The following ATPAF2 variants were observed in gnomAD, a reference collection of about 807,000 sequenced individuals.
ATPAF2 encodes the protein ATP12 homolog.
A neutral mutation model predicts 36.6 loss-of-function variants in ATPAF2; 30 were observed. The ratio of observed to expected loss-of-function variants is 0.82; its 90% CI spans 0.61 to 1.11. The LOEUF is 1.11. Ranked by LOEUF, ATPAF2 falls within the 50% of genes most tolerant of loss-of-function variation. ATPAF2 has a pLI of 0.00. For synonymous variants in ATPAF2, 140 were observed against 152.6 expected, an observed-to-expected ratio of 0.92 and a Z score of 0.61; for missense variants, 321 against 372.3, an observed-to-expected ratio of 0.86 and a Z score of 1.13.
At chr17:18,026,463 G>A (rs763298041) in intron 3 of ATPAF2, 47 bp from the exon 4 acceptor site, 2 of 1,481,354 alleles carry the variant, frequency 1.4e-6, no homozygotes, top group Non-Finnish European at 1.9e-6. Context: ...CGGGGCTCAG[G>A]CAAAAGCCCT....
intron 1 of ATPAF2, among the ~76,000 whole-genome samples, chr17:18,031,429 T>C (rs1013221074): frequency 2.0e-5 from 3 of 152,208 alleles, no homozygotes; most frequent in African/African-American, 7.2e-5. Context: ...AATATGTGTG[T>C]GTCTACCATG....
chr17:18,026,312 C>A lies in ATPAF2; in HGVS notation c.422+7G>T, dbSNP rs1568572278. 1 of 1,608,974 alleles carries A rather than the reference C, an allele frequency of 6.2e-7. No homozygotes were observed. The highest frequency in any genetic ancestry group is 1.7e-5 in the Admixed American group (1 of 60,028). Reference sequence around the variant, plus strand: ...CCAAGGGGAATGCCCATCTAAATGTCCATTACCAGATGGTGTCGGTGTCCA... The same window carrying A: ...CCAAGGGGAATGCCCATCTAAATGTACATTACCAGATGGTGTCGGTGTCCA... On this transcript the variant is annotated splice_region_variant and intron_variant, in intron 4 of 7. Coordinates refer to ENST00000474627, the MANE Select transcript of ATPAF2 (RefSeq NM_145691.4).
At chr17:18,020,035 T>G (rs1379635996) in intron 7 of ATPAF2, among the ~76,000 whole-genome samples, 1 of 152,108 alleles carries the variant, frequency 6.6e-6, no homozygotes, top group Non-Finnish European at 1.5e-5. Flanking sequence ...ACAAAAATAG[T>G]TTTTTCCCTG....
intron 7 of ATPAF2, chr17:18,020,678 C>CTT (rs748358852): frequency 4.1e-4 from 60 of 146,338 alleles, no homozygotes; most frequent in African/African-American, 5.4e-4. Context: ...ATTATCTTAC[C>CTT]TTTTTTTTTT....
At chr17:18,018,793 T>C in intron 7 of ATPAF2, 107 bp from the exon 8 acceptor site, 1 of 1,541,832 alleles carries the variant, frequency 6.5e-7, no homozygotes, top group Non-Finnish European at 8.9e-7. Flanking sequence ...AACAGGTTTG[T>C]ATCTTGCCAA....
At chr17:18,018,947 G>A (rs1426991664) in intron 7 of ATPAF2, among the ~76,000 whole-genome samples, 2 of 152,154 alleles carry the variant, frequency 1.3e-5, no homozygotes, top group East Asian at 3.9e-4. Context: ...ACCAGCCTGG[G>A]CAAATATGGT....
At position 18,018,255 on chromosome 17, in the gene ATPAF2, C is replaced by T. The variant is rs1167341782; in HGVS notation, c.*294G>A. The T allele has an allele frequency of 1.3e-5, 6 of 459,318 alleles. No individual in the cohort carries two copies. Among genetic ancestry groups the T allele is most frequent in the South Asian group, 1.0e-4 (5 of 48,134 alleles). 28.5% of individuals were successfully genotyped at this position (459,318 alleles called of 1,614,324 possible). ...CAGAGGCATACGTGAAAACAGGGCT[C>T]AGCACATTTCCAGGGTGGAGAAATA... is the stretch of plus-strand genomic sequence containing the variant. On this transcript the variant is annotated 3_prime_UTR_variant, in exon 8 of 8. Coordinates refer to ENST00000474627, the MANE Select transcript of ATPAF2 (RefSeq NM_145691.4).
At chr17:18,028,496 A>G (rs1377567739) in intron 2 of ATPAF2, 119 bp from the exon 3 acceptor site, 1 of 1,542,714 alleles carries the variant, frequency 6.5e-7, no homozygotes, top group Non-Finnish European at 8.9e-7. Flanking sequence ...TTACAGAAAT[A>G]TATCTCACAA....
At chr17:18,020,678 CTTTT>C (rs748358852) in intron 7 of ATPAF2, 52 of 146,280 alleles carry the variant, frequency 3.6e-4, no homozygotes, top group South Asian at 1.2e-3. Context: ...ATTATCTTAC[CTTTT>C]TTTTTTTTTT....
intron 5 of ATPAF2, among the ~76,000 whole-genome samples, chr17:18,023,233 C>T (rs2044497166): frequency 6.6e-6 from 1 of 151,750 alleles, no homozygotes; most frequent in Admixed American, 6.6e-5. Flanking sequence ...GAGTTCGAGA[C>T]CAGCCTGGCC....
chr17:18,029,011 G>A (rs574322067), intron 1 of ATPAF2, among the ~76,000 whole-genome samples: 68 of 152,158 alleles, frequency 4.5e-4, no homozygotes, highest in Non-Finnish European at 9.0e-4. Flanking sequence ...ACCTAAAGTC[G>A]GTGTCTGAGT....
chr17:18,016,943 G>T, downstream of ATPAF2: 1 of 269,308 alleles, frequency 3.7e-6, no homozygotes, highest in East Asian at 8.3e-5. Flanking sequence ...GGAGGCCGAG[G>T]CATGCAGATC....
rs1197087209 is a variant in ATPAF2, at chr17:18,028,312, G to C, written c.244C>G (p.Pro82Ala). 1 of 1,614,052 alleles carries C rather than the reference G, an allele frequency of 6.2e-7. No homozygotes were observed. Among genetic ancestry groups the C allele is most frequent in the Non-Finnish European group, 8.5e-7 (1 of 1,180,032 alleles). ...ACTGCAATGGCCAGGGCCTCGCTGG[G>C]GACGGTAAAGAGCTTGGCTTGGGGA... ...KTPQAKLFTV[P>A]SEALAIAVAT... Residue 82 changes from proline (P) to alanine (A), a missense_variant, in exon 3 of 8, where the codon CCC (proline) becomes GCC (alanine). Physicochemically the swap from Pro to Ala is conservative, Grantham distance 27 (BLOSUM62 -1). Transcript: ENST00000474627.
chr17:18,029,379 G>T (rs977552634), intron 1 of ATPAF2, among the ~76,000 whole-genome samples: 1 of 152,172 alleles, frequency 6.6e-6, no homozygotes, highest in East Asian at 1.9e-4. Context: ...TGATAACAAA[G>T]AAGTCACATT....
chr17:18,025,856 T>G (rs1025168609), intron 4 of ATPAF2, among the ~76,000 whole-genome samples: 1 of 152,328 alleles, frequency 6.6e-6, no homozygotes, highest in Non-Finnish European at 1.5e-5. Context: ...ATCATTTCCA[T>G]TGTTTCTCAA....
intron 1 of ATPAF2, among the ~76,000 whole-genome samples, chr17:18,031,779 C>CA (rs1449646068): frequency 5.9e-5 from 9 of 151,450 alleles, no homozygotes; most frequent in Admixed American, 2.6e-4. Context: ...GACTCCATCT[C>CA]AAAAAAAAGA....
chr17:18,022,837 C>T (rs1375608403), intron 5 of ATPAF2, among the ~76,000 whole-genome samples: 9 of 151,884 alleles, frequency 5.9e-5, no homozygotes, highest in Non-Finnish European at 1.0e-4. Context: ...TAAAAAAATC[C>T]GGCTGGGGCC....
At chr17:18,033,408 G>A (rs568884426) in intron 1 of ATPAF2, among the ~76,000 whole-genome samples, 1 of 151,222 alleles carries the variant, frequency 6.6e-6, no homozygotes, top group East Asian at 2.0e-4. Flanking sequence ...TCGTTTGGGG[G>A]ATCCATGTTC....
At chr17:18,028,096 T>G in intron 3 of ATPAF2, 136 bp downstream of exon 3, 5 of 1,014,966 alleles carry the variant, frequency 4.9e-6, no homozygotes, top group South Asian at 1.3e-5. Context: ...GTTAGTGACT[T>G]GAGAGGAGGT....
Sources: gnomAD v4.1 joint callset for allele counts (sites outside exome capture counted in the v4.1 genomes callset) on GRCh38, gnomAD v4.1.1 for gene constraint, MANE v1.5 for transcripts, NCBI Gene and HGNC (gene_info 2026-07-23, HGNC 2026-07-21) for gene names.